MINDY3: variants seen among roughly 807,000 people sequenced by gnomAD.
The protein encoded by MINDY3 is MINDY lysine 48 deubiquitinase 3.
Under a neutral mutation model 69.2 loss-of-function variants are expected in MINDY3, and 38 were observed. That is an observed-to-expected ratio of 0.55 (90% CI 0.42 to 0.72). The LOEUF is 0.72. Among genes scored for constraint, MINDY3 ranks in the 30% least tolerant of loss-of-function variants. MINDY3 has a pLI of 0.00. For missense variants in MINDY3, 522 were observed against 519.0 expected (o/e 1.01, Z -0.06); for synonymous variants, 192 against 180.1 (o/e 1.07, Z -0.53).
intron 13 of MINDY3, among the ~76,000 whole-genome samples, chr10:15,782,768 T>C (rs2131822684): frequency 1.3e-5 from 2 of 152,320 alleles, no homozygotes; most frequent in East Asian, 3.9e-4. Context: ...AATGAAAACA[T>C]ACTTATAATG....
intron 13 of MINDY3, 42 bp downstream of exon 13, chr10:15,786,519 C>T (rs1836977969): frequency 6.9e-6 from 8 of 1,162,548 alleles, no homozygotes; most frequent in Admixed American, 1.9e-5. Flanking sequence ...AGGTAATCAT[C>T]CCAACAGAAT....
chr10:15,802,333 T>A (rs1838323652), intron 10 of MINDY3, among the ~76,000 whole-genome samples: 1 of 152,102 alleles, frequency 6.6e-6, no homozygotes, highest in African/African-American at 2.4e-5. Flanking sequence ...GACTCATAGA[T>A]CTACATAGCT....
At chr10:15,786,498 C>G in intron 13 of MINDY3, 63 bp downstream of exon 13, 1 of 1,013,096 alleles carries the variant, frequency 9.9e-7, no homozygotes, top group Non-Finnish European at 1.5e-6. Flanking sequence ...GAAAATGCTG[C>G]AAACAATCAC....
chr10:15,784,045 T>C (rs1836760786), intron 13 of MINDY3, among the ~76,000 whole-genome samples: 1 of 152,160 alleles, frequency 6.6e-6, no homozygotes, highest in Non-Finnish European at 1.5e-5. Flanking sequence ...TGTCTTAAGT[T>C]CTCTAATCTT....
chr10:15,816,723 A>C, intron 10 of MINDY3, 112 bp downstream of exon 10: 1 of 734,056 alleles, frequency 1.4e-6, no homozygotes, highest in South Asian at 1.7e-5. Flanking sequence ...TGAACAATTC[A>C]TTTGTTGTGG....
chr10:15,833,226 C>A (rs1832850519), intron 8 of MINDY3, among the ~76,000 whole-genome samples: 1 of 152,108 alleles, frequency 6.6e-6, no homozygotes, highest in African/African-American at 2.4e-5. Flanking sequence ...TTAAAGTACG[C>A]ACATTAAAAG....
At chr10:15,848,076 T>A (rs776655366) in intron 1 of MINDY3, 133 bp from the exon 2 acceptor site, 8 of 702,558 alleles carry the variant, frequency 1.1e-5, no homozygotes, top group Non-Finnish European at 1.9e-5. Flanking sequence ...GAGGTGTGGA[T>A]CAAGGAACCT....
At chr10:15,854,765 A>G (rs1309381021) in intron 1 of MINDY3, among the ~76,000 whole-genome samples, 3 of 152,094 alleles carry the variant, frequency 2.0e-5, no homozygotes, top group Non-Finnish European at 4.4e-5. Context: ...CTCCAGCAAT[A>G]CACAGCAGCC....
chr10:15,782,931 G>A (rs751801109), intron 13 of MINDY3, among the ~76,000 whole-genome samples: 77 of 152,256 alleles, frequency 5.1e-4, no homozygotes, highest in Non-Finnish European at 8.1e-4. Flanking sequence ...TTAACCTGGC[G>A]TTCAAGGCCA....
chr10:15,855,776 A>G (rs1322086229), intron 1 of MINDY3, among the ~76,000 whole-genome samples: 2 of 152,230 alleles, frequency 1.3e-5, no homozygotes, highest in African/African-American at 2.4e-5. Context: ...AAATATCTCA[A>G]TTGGACTTCA....
intron 5 of MINDY3, 99 bp from the exon 6 acceptor site, chr10:15,837,417 C>T: frequency 1.6e-6 from 2 of 1,223,726 alleles, no homozygotes; most frequent in South Asian, 2.9e-5. Flanking sequence ...AAAACATATA[C>T]ATACAAACAG....
chr10:15,802,452 A>G (rs1462133676), intron 10 of MINDY3, among the ~76,000 whole-genome samples: 1 of 152,090 alleles, frequency 6.6e-6, no homozygotes, highest in Non-Finnish European at 1.5e-5. Flanking sequence ...CCAGACATAT[A>G]TCAAACAACC....
intron 4 of MINDY3, among the ~76,000 whole-genome samples, chr10:15,840,234 C>T (rs1261313218): frequency 6.6e-6 from 1 of 151,682 alleles, no homozygotes; most frequent in Admixed American, 6.6e-5. Flanking sequence ...TAAAACCAAT[C>T]TTAGTGACAC....
At chr10:15,779,226 C>A (rs1277580371) in intron 14 of MINDY3, 85 bp from the exon 15 acceptor site, 4 of 1,214,006 alleles carry the variant, frequency 3.3e-6, no homozygotes, top group Non-Finnish European at 4.6e-6. Context: ...TAGAGGCTAG[C>A]AAATAAGGTA....
At chr10:15,830,976 A>C (rs1840417309) in intron 8 of MINDY3, among the ~76,000 whole-genome samples, 1 of 152,232 alleles carries the variant, frequency 6.6e-6, no homozygotes, top group Admixed American at 6.5e-5. Context: ...CAGAGACCGT[A>C]AATGGAATCA....
intron 1 of MINDY3, among the ~76,000 whole-genome samples, chr10:15,856,871 C>A (rs923679201): frequency 1.3e-5 from 2 of 152,172 alleles, no homozygotes; most frequent in African/African-American, 4.8e-5. Context: ...ATCTCCACTA[C>A]CACTACTCTG....
intron 12 of MINDY3, 36 bp from the exon 13 acceptor site, chr10:15,786,684 A>AG (rs1345366340): frequency 3.3e-6 from 4 of 1,224,090 alleles, no homozygotes; most frequent in Non-Finnish European, 4.7e-6. Flanking sequence ...TGGATACCAG[A>AG]GGAAAAAAAA....
At chr10:15,851,480 C>A (rs1834293429) in intron 1 of MINDY3, among the ~76,000 whole-genome samples, 1 of 151,802 alleles carries the variant, frequency 6.6e-6, no homozygotes, top group African/African-American at 2.4e-5. Flanking sequence ...TGTCTCTTAC[C>A]CCTTGTAAAT....
chr10:15,837,584 T>A, intron 5 of MINDY3: 2 of 1,370,978 alleles, frequency 1.5e-6, no homozygotes, highest in South Asian at 1.3e-5. Flanking sequence ...CTGTCTGGCA[T>A]CAGTAAATTC....
Sources: gnomAD v4.1 joint callset for allele counts (sites outside exome capture counted in the v4.1 genomes callset) on GRCh38, gnomAD v4.1.1 for gene constraint, MANE v1.5 for transcripts, NCBI Gene and HGNC (gene_info 2026-07-23, HGNC 2026-07-21) for gene names.